The following UNKL variants were observed in gnomAD, a reference collection of about 807,000 sequenced individuals.
UNKL encodes putative E3 ubiquitin-protein ligase UNKL.
A neutral mutation model predicts 78.0 loss-of-function variants in UNKL; 60 were observed. The observed-to-expected ratio is 0.77, with a 90% CI of 0.63 to 0.95. The LOEUF (loss-of-function observed/expected upper bound fraction) is 0.95, where lower values mean the gene tolerates loss of function less well. Among genes scored for constraint, UNKL ranks in the 40% least tolerant of loss-of-function variants. UNKL has a pLI of 0.00. For missense variants in UNKL, 1,159 were observed against 1,045.7 expected (o/e 1.11, Z -1.49); for synonymous variants, 608 against 474.8 (o/e 1.28, Z -3.65).
chr16:1,386,928 G>A (rs2036840835), intron 9 of UNKL, among the ~76,000 whole-genome samples: 2 of 152,128 alleles, frequency 1.3e-5, no homozygotes, highest in African/African-American at 4.8e-5. Context: ...CTGCCCAGGT[G>A]CGAGAAGGGG....
chr16:1,376,250 C>T (rs1325679790), intron 10 of UNKL, among the ~76,000 whole-genome samples: 1 of 143,984 alleles, frequency 6.9e-6, no homozygotes, highest in African/African-American at 2.6e-5. Flanking sequence ...AGGGCTGGGG[C>T]GCTCCTCCTC....
chr16:1,374,350 G>A (rs1206927653), intron 10 of UNKL, among the ~76,000 whole-genome samples: 1 of 152,152 alleles, frequency 6.6e-6, no homozygotes, highest in Non-Finnish European at 1.5e-5. Context: ...CTGATGCCTG[G>A]TACTGGACAG....
intron 10 of UNKL, among the ~76,000 whole-genome samples, chr16:1,372,025 G>C (rs554005826): frequency 1.3e-5 from 2 of 152,198 alleles, no homozygotes; most frequent in South Asian, 4.2e-4. Context: ...GGGAGGCCGA[G>C]GTGGGCAGAT....
In UNKL at chr16:1,375,339, G is replaced by A. The variant is rs1044787181; in HGVS notation, c.1265-3728C>T. On this transcript the variant is annotated intron_variant, in intron 10 of 14. Coordinates refer to ENST00000389221, the MANE Select transcript of UNKL (RefSeq NM_001372107.1). ...AGAGAAGCCTGGCTCGGGAGTGGAC[G>A]GTGGACTCCAGAGGCCGCAAGGCAG... 3.9e-5 allele frequency among the ~76,000 whole-genome samples: 6 copies of A among 152,236 alleles called. No individual in the cohort carries two copies. In the South Asian group the frequency reaches 6.2e-4, roughly 16 times the overall value.
chr16:1,398,586 G>A, intron 5 of UNKL: 2 of 1,411,810 alleles, frequency 1.4e-6, no homozygotes, highest in Non-Finnish European at 1.8e-6. Flanking sequence ...AAGAGGCGAG[G>A]GTGGCTCTCT....
At chr16:1,385,084 G>A (rs369700830) in intron 10 of UNKL, 124 bp downstream of exon 10, 14 of 783,636 alleles carry the variant, frequency 1.8e-5, no homozygotes, top group East Asian at 3.6e-5. Flanking sequence ...GAAAATACGC[G>A]TCTGGCTTCT....
chr16:1,379,395 A>G (rs2142053694), intron 10 of UNKL: 1 of 870,132 alleles, frequency 1.1e-6, no homozygotes, highest in Non-Finnish European at 1.4e-6. Context: ...AGGCGGCCCG[A>G]GCCCGCGCTG....
Position 1,367,272 on chromosome 16 carries a change from C to A in UNKL, c.1866G>T (p.Ala622=). 1 of 1,573,410 alleles carries A rather than the reference C, an allele frequency of 6.4e-7. No individual in the cohort carries two copies. Among genetic ancestry groups the A allele is most frequent in the East Asian group, 2.3e-5 (1 of 42,662 alleles). Residue 622 remains alanine, a synonymous_variant, in exon 14 of 15, where the codon GCG becomes GCT. Transcript: ENST00000389221. ...ARVADSDRQL[A]LQKKEEVEAQ... is the part of the protein sequence containing the mutation. ...CCTCCACCTCCTCCTTCTTCTGCAG[C>A]GCCAGCTGCCGGTCGCTATCGGCCA...
Position 1,414,643 on chromosome 16 carries a change from G to A in UNKL, c.49C>T (p.Pro17Ser), listed in dbSNP as rs777288125. 160 of 1,137,542 alleles carry A rather than the reference G, an allele frequency of 1.4e-4. No homozygotes were observed. The highest frequency in any genetic ancestry group is 1.6e-4 in the Non-Finnish European group (146 of 917,070). The allele number at this position is 1,137,542 out of a possible 1,614,324, so 70.5% of individuals were successfully genotyped here. A position where few individuals can be genotyped will look rare whatever the true frequency, so the allele number is the denominator to read the frequency against. Residue 17 changes from proline to serine, a missense_variant, in exon 1 of 15, where the codon CCG (proline) becomes TCG (serine). Pro to Ser is a moderately conservative substitution (Grantham distance 74). Coordinates refer to ENST00000389221, the MANE Select transcript of UNKL (RefSeq NM_001372107.1). ...AAAAALSGSP[P>S]QTEKPTHYRY... ...TAGTGGGTCGGCTTCTCAGTCTGCG[G>A]GGGGGACCCGCTCAGCGCCGCTGCC...
At position 1,401,711 on chromosome 16, in the gene UNKL, G is replaced by A. The variant is rs201178048; in HGVS notation, c.465-10C>T. 330 of 1,605,272 alleles carry A rather than the reference G, an allele frequency of 2.1e-4. No homozygotes were observed. The highest frequency in any genetic ancestry group is 5.0e-4 in the Middle Eastern group (3 of 6,050). On this transcript the variant is annotated splice_polypyrimidine_tract_variant and intron_variant, in intron 3 of 14. Transcript: ENST00000389221. The stretch of plus-strand genomic sequence containing the variant: ...CTGGGCCTGCAGCTCCCTGCAAGCC[G>A]AGGACACAGTGGTCACAGCTCTGCA...
chr16:1,390,080 G>A (rs555327049), intron 9 of UNKL, among the ~76,000 whole-genome samples: 3 of 152,230 alleles, frequency 2.0e-5, no homozygotes, highest in South Asian at 4.2e-4. Flanking sequence ...TCCACCTCCC[G>A]GCTTCAAGCA....
chr16:1,393,408 C>G (rs1315050786), intron 7 of UNKL, among the ~76,000 whole-genome samples: 1 of 149,844 alleles, frequency 6.7e-6, no homozygotes, highest in Non-Finnish European at 1.5e-5. Flanking sequence ...CCACTGAGTC[C>G]AAACCCCAGG....
Position 1,414,704 on chromosome 16 carries a change from C to A in UNKL, c.-13G>T. On this transcript the variant is annotated 5_prime_UTR_variant, in exon 1 of 15. Transcript: ENST00000389221. ...AAACCGACGGCATTTTCAGTCAAAACAATGCAGCGCGCATGCGCCGCGCCG... is the reference window on the plus strand; with the variant it reads ...AAACCGACGGCATTTTCAGTCAAAAAAATGCAGCGCGCATGCGCCGCGCCG... 1 of 1,107,902 alleles carries A rather than the reference C, an allele frequency of 9.0e-7. No homozygotes were observed. Among genetic ancestry groups the A allele is most frequent in the Non-Finnish European group, 1.1e-6 (1 of 899,836 alleles). The allele number at this position is 1,107,902 out of a possible 1,614,324, so 68.6% of individuals were successfully genotyped here.
chr16:1,372,598 C>T (rs115761097), intron 10 of UNKL, among the ~76,000 whole-genome samples: 1,868 of 152,302 alleles, frequency 0.012, 32 homozygotes, highest in African/African-American at 0.041. Flanking sequence ...CCACCAGCCC[C>T]TGAAGCCACA....
rs762323803 is a variant in UNKL at position 1,414,664 on chromosome 16, C to G, written c.28G>C (p.Ala10Pro). 3.5e-6 allele frequency: 4 copies of G among 1,151,590 alleles called. No individual in the cohort carries two copies. Among genetic ancestry groups the G allele is most frequent in the South Asian group, 4.5e-5 (2 of 44,338 alleles). The allele number at this position is 1,151,590 out of a possible 1,614,324, so 71.3% of individuals were successfully genotyped here. A position where few individuals can be genotyped will look rare whatever the true frequency, so the allele number is the denominator to read the frequency against. MPSVSKAAA[A>P]ALSGSPPQTE... ...TGCGGGGGGGACCCGCTCAGCGCCG[C>G]TGCCGCCGCTTTCGAAACCGACGGC... The change falls in exon 1 of 15, where the codon GCG (alanine) becomes CCG (proline). Residue 10 changes from alanine (A) to proline (P), a missense_variant. Transcript: ENST00000389221.
At chr16:1,380,955 G>A (rs540615325) in intron 10 of UNKL, among the ~76,000 whole-genome samples, 20 of 152,288 alleles carry the variant, frequency 1.3e-4, no homozygotes, top group South Asian at 1.0e-3. Flanking sequence ...GATTACAGGC[G>A]TGAGCCACTG....
At chr16:1,375,263 G>A (rs1426708263) in intron 10 of UNKL, among the ~76,000 whole-genome samples, 1 of 152,248 alleles carries the variant, frequency 6.6e-6, no homozygotes, top group African/African-American at 2.4e-5. Flanking sequence ...GCCGCGCTCA[G>A]CAGCCACACT....
intron 4 of UNKL, among the ~76,000 whole-genome samples, chr16:1,400,625 T>C (rs983010962): frequency 2.0e-5 from 3 of 151,908 alleles, no homozygotes; most frequent in African/African-American, 7.3e-5. Flanking sequence ...TGCACAACAC[T>C]GCAGACGTGC....
In UNKL at chr16:1,399,475, C is replaced by G. The variant is rs376822332; in HGVS notation, c.633G>C (p.Glu211Asp). 7 of 1,600,820 alleles carry G rather than the reference C, an allele frequency of 4.4e-6. No homozygotes were observed. In the African/African-American group the frequency reaches 9.4e-5, roughly 21 times the overall value. ...ACAGGCGTGGCGGCTTCGGGCACTG[C>G]TCCGTCTTGTAGCTGCCCAGCACGA... ...ANFVLGSYKT[E>D]QCPKPPRLCR... Residue 211 changes from glutamate to aspartate, a missense_variant, in exon 5 of 15, where the codon GAG becomes GAC. By Grantham distance (45) the Glu-to-Asp change is conservative (BLOSUM62 2). Coordinates refer to ENST00000389221, the MANE Select transcript of UNKL (RefSeq NM_001372107.1). This position sits in a 1 kb window ranked among gnomAD's most constrained non-coding sequence, Gnocchi z 5.8.
Sources: gnomAD v4.1 joint callset for allele counts (sites outside exome capture counted in the v4.1 genomes callset) on GRCh38, gnomAD v4.1.1 for gene constraint, Gnocchi (gnomAD v3.1) non-coding constraint, MANE v1.5 for transcripts, NCBI Gene and HGNC (gene_info 2026-07-23, HGNC 2026-07-21) for gene names.